PKNOX1: variants seen among roughly 807,000 people sequenced by gnomAD.
PKNOX1 encodes the protein PBX/knotted 1 homeobox 1, also known as homeobox protein PKNOX1.
Under a neutral mutation model 51.9 loss-of-function variants are expected in PKNOX1, and 15 were observed. The ratio of observed to expected loss-of-function variants is 0.29; its 90% CI spans 0.19 to 0.45. The LOEUF (loss-of-function observed/expected upper bound fraction) is 0.45. PKNOX1 is among the 20% of genes least tolerant of loss of function. PKNOX1 has a pLI of 1.00. For synonymous variants in PKNOX1, 219 were observed against 211.1 expected, an observed-to-expected ratio of 1.04 and a Z score of -0.32; for missense variants, 462 against 547.5, an observed-to-expected ratio of 0.84 and a Z score of 1.56.
At chr21:42,998,267 T>C (rs539211274) in intron 1 of PKNOX1, among the ~76,000 whole-genome samples, 3 of 152,238 alleles carry the variant, frequency 2.0e-5, no homozygotes, top group South Asian at 4.1e-4. Flanking sequence ...GTGGGACTTA[T>C]TCGCTATCAT....
chr21:43,001,942 C>G (rs914212989), intron 1 of PKNOX1, among the ~76,000 whole-genome samples: 1 of 150,156 alleles, frequency 6.7e-6, no homozygotes, highest in African/African-American at 2.5e-5. Context: ...GCCTGGGTGA[C>G]AGAGCAAGAC....
chr21:43,011,777 T>C (rs1418735753), intron 4 of PKNOX1, among the ~76,000 whole-genome samples: 1 of 152,252 alleles, frequency 6.6e-6, no homozygotes, highest in East Asian at 1.9e-4. Flanking sequence ...ATTCTCATTA[T>C]ATACTCGATG....
Position 43,018,952 on chromosome 21 carries a change from G to A in PKNOX1, c.720+722G>A, listed in dbSNP as rs148165992. Among the ~76,000 whole-genome samples the A allele has an allele frequency of 4.4e-3, 666 of 152,174 alleles. 7 individuals carry two copies. Among genetic ancestry groups the A allele is most frequent in the African/African-American group, 0.012 (518 of 41,498 alleles). ...ATACAAAAATTAGCTGGGTGCAGTG[G>A]TGCACGCCTGTAATCCCAGCTACTC... On this transcript the variant is annotated intron_variant, in intron 7 of 10. Coordinates refer to ENST00000291547, the MANE Select transcript of PKNOX1 (RefSeq NM_004571.5).
chr21:42,977,764 G>A (rs1049523461), intron 1 of PKNOX1, among the ~76,000 whole-genome samples: 1 of 151,848 alleles, frequency 6.6e-6, no homozygotes, highest in Admixed American at 6.6e-5. Flanking sequence ...TAGCTAGGCT[G>A]GGACTTCTGA....
At chr21:43,001,995 A>G (rs1978781895) in intron 1 of PKNOX1, among the ~76,000 whole-genome samples, 1 of 152,050 alleles carries the variant, frequency 6.6e-6, no homozygotes, top group Non-Finnish European at 1.5e-5. Flanking sequence ...AAAAATAAAA[A>G]TAAAGTTTTA....
chr21:43,017,091 A>G, intron 6 of PKNOX1, 84 bp downstream of exon 6: 1 of 882,032 alleles, frequency 1.1e-6, no homozygotes, highest in East Asian at 2.6e-5. Flanking sequence ...TATAAATATA[A>G]TTTCAAGTTC....
intron 1 of PKNOX1, among the ~76,000 whole-genome samples, chr21:42,988,668 C>T (rs959186448): frequency 5.2e-4 from 79 of 152,242 alleles, no homozygotes; most frequent in African/African-American, 1.8e-3. Flanking sequence ...TGTGGAGGGT[C>T]AGATTCTTTC....
intron 9 of PKNOX1, among the ~76,000 whole-genome samples, chr21:43,026,915 C>T (rs1285509098): frequency 6.6e-6 from 1 of 152,074 alleles, no homozygotes; most frequent in African/African-American, 2.4e-5. Flanking sequence ...TATTATTAGA[C>T]TGTGTGCTAA....
rs375666921 is a variant in PKNOX1, at chr21:43,007,444, G to A, written c.52-47G>A. 8.1e-5 allele frequency: 129 copies of A among 1,592,366 alleles called. No individual in the cohort carries two copies. The African/African-American group carries it at 9.0e-4, about 11-fold the overall frequency. On this transcript the variant is annotated intron_variant, in intron 2 of 10. Transcript: ENST00000291547. ...TTCCTGTTGGAGCATGGAATACCTC[G>A]TAGTAGTTTGTGTTTGCTAATAAGA...
chr21:42,995,013 C>G (rs1196806583), intron 1 of PKNOX1, among the ~76,000 whole-genome samples: 2 of 149,964 alleles, frequency 1.3e-5, no homozygotes, highest in Non-Finnish European at 3.0e-5. Context: ...CCTCCGCCTC[C>G]TGGGTTCAAG....
intron 10 of PKNOX1, 156 bp downstream of exon 10, chr21:43,029,030 C>T (rs936002997): frequency 7.0e-5 from 50 of 717,468 alleles, no homozygotes; most frequent in Admixed American, 4.0e-4. Flanking sequence ...GAGGAAGCTG[C>T]ATTCTGCGTG....
At chr21:42,976,827 T>C (rs1217590426) in intron 1 of PKNOX1, among the ~76,000 whole-genome samples, 2 of 152,224 alleles carry the variant, frequency 1.3e-5, no homozygotes, top group Non-Finnish European at 2.9e-5. Context: ...GAATGGCATC[T>C]AGAATGGCAG....
intron 8 of PKNOX1, 55 bp from the exon 9 acceptor site, chr21:43,024,816 C>T (rs1979921275): frequency 1.7e-6 from 2 of 1,176,304 alleles, no homozygotes; most frequent in Non-Finnish European, 2.5e-6. Flanking sequence ...CCTAAATCGT[C>T]TTGATTTCCT....
intron 7 of PKNOX1, 35 bp downstream of exon 7, chr21:43,018,265 GA>G: frequency 7.2e-7 from 1 of 1,381,086 alleles, no homozygotes; most frequent in Non-Finnish European, 1.0e-6. Flanking sequence ...CTTTGGGGGC[GA>G]GTGCTGCCCA....
intron 7 of PKNOX1, among the ~76,000 whole-genome samples, chr21:43,020,822 A>T (rs1979718209): frequency 6.6e-6 from 1 of 152,208 alleles, no homozygotes; most frequent in South Asian, 2.1e-4. Context: ...GGACCACGGC[A>T]TTCCTGCCTG....
intron 7 of PKNOX1, among the ~76,000 whole-genome samples, chr21:43,019,129 A>C (rs958435851): frequency 1.3e-5 from 2 of 150,142 alleles, no homozygotes; most frequent in Admixed American, 6.7e-5. Flanking sequence ...GCAGTGGCTC[A>C]CACCTGTGAT....
intron 1 of PKNOX1, among the ~76,000 whole-genome samples, chr21:42,987,404 A>AATATAT (rs1170402960): frequency 1.5e-3 from 62 of 41,406 alleles, no homozygotes; most frequent in South Asian, 3.1e-3. Context: ...AAAAAAAAAA[A>AATATAT]ATATATATAT....
At chr21:42,991,956 T>A (rs528543835) in intron 1 of PKNOX1, among the ~76,000 whole-genome samples, 1 of 152,220 alleles carries the variant, frequency 6.6e-6, no homozygotes, top group Non-Finnish European at 1.5e-5. Flanking sequence ...GCCACTGCAC[T>A]CAGCTTCCAA....
intron 1 of PKNOX1, among the ~76,000 whole-genome samples, chr21:43,002,318 C>T (rs1014887036): frequency 1.3e-5 from 2 of 152,178 alleles, no homozygotes; most frequent in Non-Finnish European, 2.9e-5. Context: ...GCCCTCCCCT[C>T]CCAGGCCACA....
Sources: gnomAD v4.1 joint callset for allele counts (sites outside exome capture counted in the v4.1 genomes callset) on GRCh38, gnomAD v4.1.1 for gene constraint, MANE v1.5 for transcripts, NCBI Gene and HGNC (gene_info 2026-07-23, HGNC 2026-07-21) for gene names.